The following LSAMP variants were observed in gnomAD, a reference collection of about 807,000 sequenced individuals.
LSAMP encodes the protein limbic system associated membrane protein, also known as limbic system-associated membrane protein.
Under a neutral mutation model 38.6 loss-of-function variants are expected in LSAMP, and 7 were observed. The ratio of observed to expected loss-of-function variants is 0.18; its 90% CI spans 0.10 to 0.34. LSAMP has a LOEUF of 0.34. LSAMP is among the 10% of genes least tolerant of loss of function. The pLI is 1.00. For missense variants in LSAMP, 313 were observed against 420.0 expected (o/e 0.75, Z 2.23); for synonymous variants, 154 against 166.8 (o/e 0.92, Z 0.59).
intron 1 of LSAMP, among the ~76,000 whole-genome samples, chr3:116,178,504 G>A (rs2107565230): frequency 6.6e-6 from 1 of 152,262 alleles, no homozygotes; most frequent in South Asian, 2.1e-4. Flanking sequence ...CATCAGTTAG[G>A]AGGCAATGAT....
At chr3:115,899,507 C>T (rs1159336080) in intron 3 of LSAMP, among the ~76,000 whole-genome samples, 2 of 152,086 alleles carry the variant, frequency 1.3e-5, no homozygotes, top group Non-Finnish European at 2.9e-5. Context: ...CTGTGATTAC[C>T]CTTGTATACA....
At chr3:116,417,533 T>A (rs376099823) in intron 1 of LSAMP, among the ~76,000 whole-genome samples, 1 of 152,180 alleles carries the variant, frequency 6.6e-6, no homozygotes, top group African/African-American at 2.4e-5. Flanking sequence ...CTGCAAAGAG[T>A]AGGTTTCTTC....
At chr3:116,152,493 T>C (rs902742817) in intron 1 of LSAMP, among the ~76,000 whole-genome samples, 46 of 152,100 alleles carry the variant, frequency 3.0e-4, no homozygotes, top group Admixed American at 1.4e-3. Flanking sequence ...TCGGCCACTT[T>C]TCACTGCACT....
At chr3:116,339,715 G>A (rs116195266) in intron 1 of LSAMP, among the ~76,000 whole-genome samples, 234 of 152,154 alleles carry the variant, frequency 1.5e-3, no homozygotes, top group African/African-American at 5.3e-3. Context: ...TGAGCCACCA[G>A]ATGAGAAGTC....
At chr3:115,998,276 G>A (rs188268775) in intron 3 of LSAMP, among the ~76,000 whole-genome samples, 1 of 151,942 alleles carries the variant, frequency 6.6e-6, no homozygotes, top group Non-Finnish European at 1.5e-5. Flanking sequence ...GGTTTTAACT[G>A]GGGTAAGGGG....
At chr3:115,819,894 A>G (rs1934171980) in intron 6 of LSAMP, among the ~76,000 whole-genome samples, 1 of 152,148 alleles carries the variant, frequency 6.6e-6, no homozygotes, top group Non-Finnish European at 1.5e-5. Flanking sequence ...GGAGCAGAAC[A>G]TTCTGAGCAC....
intron 1 of LSAMP, 109 bp from the exon 2 acceptor site, chr3:116,086,665 G>T: frequency 1.3e-6 from 1 of 798,386 alleles, no homozygotes; most frequent in East Asian, 2.7e-5. Context: ...ATTATATGCA[G>T]AATGAATTAT....
At chr3:116,219,547 G>T (rs1469030632) in intron 1 of LSAMP, among the ~76,000 whole-genome samples, 1 of 151,964 alleles carries the variant, frequency 6.6e-6, no homozygotes, top group African/African-American at 2.4e-5. Flanking sequence ...TTTCATAGTG[G>T]CTACACCATT....
At chr3:116,221,602 G>A (rs935059642) in intron 1 of LSAMP, among the ~76,000 whole-genome samples, 54 of 152,148 alleles carry the variant, frequency 3.5e-4, no homozygotes, top group African/African-American at 1.3e-3. Context: ...ATCTAGAAAA[G>A]TCTCTCTGTT....
intron 1 of LSAMP, among the ~76,000 whole-genome samples, chr3:116,314,410 G>C (rs1014554590): frequency 6.6e-6 from 1 of 152,134 alleles, no homozygotes; most frequent in Admixed American, 6.5e-5. Flanking sequence ...ATAGGCTGGT[G>C]GGAAAGACAG....
chr3:116,263,431 G>A (rs568959910), intron 1 of LSAMP, among the ~76,000 whole-genome samples: 3 of 151,796 alleles, frequency 2.0e-5, no homozygotes, highest in African/African-American at 7.3e-5. Context: ...CCAGCTACTC[G>A]GGAGGCTGAG....
chr3:115,860,881 AG>A (rs796109602), intron 3 of LSAMP, among the ~76,000 whole-genome samples: 4 of 152,264 alleles, frequency 2.6e-5, no homozygotes, highest in African/African-American at 9.6e-5. Flanking sequence ...AGGAAAAATG[AG>A]GATGGTGATG....
chr3:116,405,302 A>T (rs1473174487), intron 1 of LSAMP, among the ~76,000 whole-genome samples: 1 of 152,118 alleles, frequency 6.6e-6, no homozygotes, highest in Non-Finnish European at 1.5e-5. Context: ...ATGCTATGCC[A>T]TTACCTTCTA....
intron 1 of LSAMP, among the ~76,000 whole-genome samples, chr3:116,439,338 A>G (rs553684207): frequency 6.7e-6 from 1 of 148,986 alleles, no homozygotes; most frequent in South Asian, 2.2e-4. Context: ...TTTTAATGCA[A>G]CTATGTGATA....
intron 1 of LSAMP, among the ~76,000 whole-genome samples, chr3:116,213,950 G>T (rs2046191072): frequency 6.6e-6 from 1 of 152,170 alleles, no homozygotes; most frequent in Non-Finnish European, 1.5e-5. Flanking sequence ...AGTTTCAGTT[G>T]AGCAAGATGA....
Position 116,383,551 on chromosome 3 carries a change from T to C in LSAMP, c.155+61326A>G, listed in dbSNP as rs188180110. On this transcript the variant is annotated intron_variant, in intron 1 of 6. Transcript: ENST00000490035. ...GACCAGGACCAGGTCCTAGGGCTCT[T>C]AAGTGCCTGTCCAGTATCCTCGTCA... 6.1e-3 allele frequency among the ~76,000 whole-genome samples: 927 copies of C among 152,240 alleles called. 8 individuals carry two copies. Among genetic ancestry groups the C allele is most frequent in the Middle Eastern group, 0.017 (5 of 294 alleles).
At position 115,819,793 on chromosome 3, in the gene LSAMP, A is replaced by G. The variant is rs567802180; in HGVS notation, c.920-9379T>C. ...AATCAACTTCTTTGTGAAATCCTAA[A>G]GATCTTAACAGTTGGGATTCCATTT... On this transcript the variant is annotated intron_variant, in intron 6 of 6. Coordinates refer to ENST00000490035, the MANE Select transcript of LSAMP (RefSeq NM_002338.5). 1.1e-4 allele frequency among the ~76,000 whole-genome samples: 17 copies of G among 152,356 alleles called. No individual in the cohort carries two copies. The South Asian group carries it at 3.5e-3, about 32-fold the overall frequency.
chr3:115,922,610 T>C (rs73149045), intron 3 of LSAMP, among the ~76,000 whole-genome samples: 19,332 of 152,144 alleles, frequency 0.13, 1,404 homozygotes, highest in East Asian at 0.2. Flanking sequence ...TTTTCTTGTT[T>C]CTCTGTGTGT....
intron 1 of LSAMP, among the ~76,000 whole-genome samples, chr3:116,337,493 T>TA (rs2047935817): frequency 6.6e-6 from 1 of 152,040 alleles, no homozygotes; most frequent in Non-Finnish European, 1.5e-5. Flanking sequence ...ATATAGCACA[T>TA]AATCTCTAAC....
Sources: gnomAD v4.1 joint callset for allele counts (sites outside exome capture counted in the v4.1 genomes callset) on GRCh38, gnomAD v4.1.1 for gene constraint, MANE v1.5 for transcripts, NCBI Gene and HGNC (gene_info 2026-07-23, HGNC 2026-07-21) for gene names.